FMN1: variants seen among roughly 807,000 people sequenced by gnomAD.
FMN1 encodes formin-1.
FMN1 carries 110 observed loss-of-function variants against 132.4 expected under a neutral mutation model. That is an observed-to-expected ratio of 0.83 (90% confidence interval 0.71 to 0.97). The LOEUF is 0.97. Ranked by LOEUF, FMN1 falls within the 50% of genes least tolerant of loss-of-function variation. FMN1 has a pLI of 0.00. For synonymous variants in FMN1, 722 were observed against 651.7 expected (o/e 1.11, Z -1.64); for missense variants, 1,792 against 1,705.3 (o/e 1.05, Z -0.90).
At chr15:33,143,242 A>G (rs1226761850) in intron 4 of FMN1, among the ~76,000 whole-genome samples, 3 of 152,198 alleles carry the variant, frequency 2.0e-5, no homozygotes, top group Non-Finnish European at 4.4e-5. Context: ...TAAAAAAAGC[A>G]TTTTCTAGCA....
chr15:33,068,243 T>G, intron 5 of FMN1: 2 of 203,610 alleles, frequency 9.8e-6, no homozygotes, highest in Non-Finnish European at 2.0e-5. Context: ...TGCCCTGTAA[T>G]CCCAACCCAG....
chr15:32,766,425 T>G lies in FMN1; in HGVS notation c.*7885A>C, dbSNP rs2056047348. The G allele has an allele frequency of 6.6e-6, 1 of 152,162 alleles. No homozygotes were observed. Among genetic ancestry groups the G allele is most frequent in the Non-Finnish European group, 1.5e-5 (1 of 68,032 alleles). The allele number at this position is 152,162 out of a possible 1,614,324, so 9.4% of individuals were successfully genotyped here. On this transcript the variant is annotated 3_prime_UTR_variant, in exon 21 of 21. Transcript: ENST00000616417. ...CTTGAGATTCAAAAATCTGGCGTTC[T>G]GCATCATAGCTGGTGACCCGGTCTG...
At chr15:32,788,740 C>T (rs892941650) in intron 19 of FMN1, among the ~76,000 whole-genome samples, 3 of 152,228 alleles carry the variant, frequency 2.0e-5, no homozygotes, top group Admixed American at 2.0e-4. Context: ...GGAGTGCGGA[C>T]AGATGCTCTC....
At chr15:33,169,281 T>C (rs1194584683) in intron 3 of FMN1, among the ~76,000 whole-genome samples, 2 of 152,222 alleles carry the variant, frequency 1.3e-5, no homozygotes, top group Non-Finnish European at 2.9e-5. Flanking sequence ...GATAACTTGC[T>C]ATAGCGGCCT....
At chr15:33,134,261 T>C (rs1244209582) in intron 4 of FMN1, among the ~76,000 whole-genome samples, 1 of 152,162 alleles carries the variant, frequency 6.6e-6, no homozygotes, top group Non-Finnish European at 1.5e-5. Flanking sequence ...TTTACAATTT[T>C]AAGTGGGATT....
intron 15 of FMN1, among the ~76,000 whole-genome samples, 166 bp from the exon 16 acceptor site, chr15:32,888,458 G>C (rs2059946572): frequency 6.6e-6 from 1 of 152,168 alleles, no homozygotes; most frequent in African/African-American, 2.4e-5. Context: ...TGACTTTGAA[G>C]TGCTTTCTTG....
rs1233448756 is a variant in FMN1 at position 32,974,299 on chromosome 15, A to G, written c.2224-4822T>C. 5.3e-5 allele frequency among the ~76,000 whole-genome samples: 8 copies of G among 152,268 alleles called. No homozygotes were observed. The South Asian group carries it at 1.5e-3, about 28-fold the overall frequency. On this transcript the variant is annotated intron_variant, in intron 7 of 20. Coordinates refer to ENST00000616417, the MANE Select transcript of FMN1 (RefSeq NM_001277313.2). ...GAAAAGAGACAGGTGCTGAGGTTTG[A>G]TATCTTTCCAGTCTTTAAGTTTTAC...
At chr15:32,867,926 G>A (rs1389499755) in intron 16 of FMN1, among the ~76,000 whole-genome samples, 2 of 152,072 alleles carry the variant, frequency 1.3e-5, no homozygotes, top group Non-Finnish European at 2.9e-5. Context: ...TTTTCTTACT[G>A]TTAAATCTCC....
chr15:32,887,970 CAACACT>C (rs2141485047), intron 16 of FMN1, among the ~76,000 whole-genome samples, 196 bp downstream of exon 16: 2 of 151,670 alleles, frequency 1.3e-5, no homozygotes, highest in East Asian at 3.9e-4. Flanking sequence ...AACAAATGAT[CAACACT>C]AATAAAAGAG....
Position 33,154,470 on chromosome 15 carries a change from T to G in FMN1, c.445A>C (p.Asn149His). 1 of 1,536,056 alleles carries G rather than the reference T, an allele frequency of 6.5e-7. No homozygotes were observed. The highest frequency in any genetic ancestry group is 8.7e-7 in the Non-Finnish European group (1 of 1,146,908). The part of the protein sequence containing the change: ...WQGELPVGPL[N>H]KRSTHGNKKP... Reference sequence around the variant, plus strand: ...TTGTTCCCGTGGGTGCTCCTCTTATTGAGAGGGCCCACGGGGAGCTCTCCC... The same window carrying G: ...TTGTTCCCGTGGGTGCTCCTCTTATGGAGAGGGCCCACGGGGAGCTCTCCC... Residue 149 changes from asparagine to histidine, a missense_variant, in exon 4 of 21, where the codon AAT (asparagine) becomes CAT (histidine). By Grantham distance (68) the Asn-to-His change is moderately conservative. Transcript: ENST00000616417.
intron 15 of FMN1, among the ~76,000 whole-genome samples, chr15:32,892,286 A>G (rs570736994): frequency 1.3e-5 from 2 of 152,270 alleles, no homozygotes; most frequent in African/African-American, 4.8e-5. Context: ...ATTTTGTTGA[A>G]TTCTTTTTCT....
chr15:33,162,714 A>G lies in FMN1; in HGVS notation c.-131-7669T>C, dbSNP rs914610863. On this transcript the variant is annotated intron_variant, in intron 3 of 20. Transcript: ENST00000616417. ...CAGCACTACTCTTAAAGATTAAGTCAAAAGTAATGTCAGAACAGATTGGAG... is the reference window on the plus strand; with the variant it reads ...CAGCACTACTCTTAAAGATTAAGTCGAAAGTAATGTCAGAACAGATTGGAG... Among the ~76,000 whole-genome samples, 9 of 152,352 alleles carry G rather than the reference A, an allele frequency of 5.9e-5. No individual in the cohort carries two copies. In the East Asian group the frequency reaches 1.7e-3, roughly 29 times the overall value.
chr15:32,949,605 G>A (rs2061580437), intron 9 of FMN1, among the ~76,000 whole-genome samples: 1 of 151,902 alleles, frequency 6.6e-6, no homozygotes, highest in Non-Finnish European at 1.5e-5. Context: ...AAAAACTCTA[G>A]AAGACAACCT....
chr15:33,009,719 A>C (rs951710545), intron 6 of FMN1, among the ~76,000 whole-genome samples: 1 of 152,186 alleles, frequency 6.6e-6, no homozygotes, highest in African/African-American at 2.4e-5. Context: ...TGAAGATACT[A>C]ATGCATAGAG....
chr15:33,125,420 G>A (rs1237582368), intron 4 of FMN1, among the ~76,000 whole-genome samples: 1 of 148,172 alleles, frequency 6.7e-6, no homozygotes, highest in Non-Finnish European at 1.5e-5. Flanking sequence ...AGATGTACCA[G>A]TGCACTAAGA....
At chr15:32,945,757 T>C (rs976749700) in intron 9 of FMN1, among the ~76,000 whole-genome samples, 4 of 151,824 alleles carry the variant, frequency 2.6e-5, no homozygotes, top group Admixed American at 6.6e-5. Context: ...CCCACTCCTG[T>C]GTAGAGGTGA....
intron 17 of FMN1, among the ~76,000 whole-genome samples, chr15:32,831,366 T>C (rs1334827165): frequency 6.6e-6 from 1 of 152,132 alleles, no homozygotes; most frequent in East Asian, 1.9e-4. Flanking sequence ...TACAGGCACC[T>C]GGCTAATACC....
At chr15:33,016,593 T>C (rs929913346) in intron 6 of FMN1, among the ~76,000 whole-genome samples, 2 of 152,216 alleles carry the variant, frequency 1.3e-5, no homozygotes, top group African/African-American at 4.8e-5. Flanking sequence ...GCAGAGCTTT[T>C]TAACTGGGTG....
chr15:32,950,894 T>A (rs905581024), intron 9 of FMN1, among the ~76,000 whole-genome samples: 3 of 152,344 alleles, frequency 2.0e-5, no homozygotes, highest in African/African-American at 7.2e-5. Flanking sequence ...ATTGACACGA[T>A]TCCTAACTTA....
Sources: gnomAD v4.1 joint callset for allele counts (sites outside exome capture counted in the v4.1 genomes callset) on GRCh38, gnomAD v4.1.1 for gene constraint, MANE v1.5 for transcripts, NCBI Gene and HGNC (gene_info 2026-07-23, HGNC 2026-07-21) for gene names.